Variants in DPP6 observed in about 807,000 individuals in gnomAD.
DPP6 encodes dipeptidyl peptidase like 6.
DPP6 carries 69 observed loss-of-function variants against 122.6 expected under a neutral mutation model. The ratio of observed to expected loss-of-function variants is 0.56; its 90% CI spans 0.46 to 0.69. DPP6 has a LOEUF of 0.69. Ranked by LOEUF, DPP6 falls within the 30% of genes least tolerant of loss-of-function variation. The probability of loss-of-function intolerance (pLI) is 0.00; values close to 1 mark genes in which losing one functional copy is unlikely to be tolerated. For missense variants in DPP6, 928 were observed against 1,116.9 expected (o/e 0.83, Z 2.41); for synonymous variants, 418 against 433.1 (o/e 0.97, Z 0.43).
chr7:153,800,528 CT>C, the DPP6 span, among the ~76,000 whole-genome samples: 3 of 151,922 alleles, frequency 2.0e-5, no homozygotes, highest in Admixed American at 6.6e-5. Flanking sequence ...GTTAACGAAA[CT>C]TTTTTTTAAT....
chr7:154,133,329 TG>T (rs1025050835), intron 1 of DPP6, among the ~76,000 whole-genome samples: 1 of 152,126 alleles, frequency 6.6e-6, no homozygotes, highest in African/African-American at 2.4e-5. Context: ...TGTGCCTTCC[TG>T]GGGATTAGTC....
chr7:153,896,465 C>G (rs1403772702), intron 1 of DPP6, among the ~76,000 whole-genome samples: 1 of 151,888 alleles, frequency 6.6e-6, no homozygotes, highest in Admixed American at 6.6e-5. Flanking sequence ...TGATTGTGGA[C>G]TACATTTTCT....
intron 1 of DPP6, among the ~76,000 whole-genome samples, chr7:154,234,259 A>C (rs1403026438): frequency 6.6e-6 from 1 of 152,202 alleles, no homozygotes; most frequent in South Asian, 2.1e-4. Context: ...CACTGGTTGT[A>C]TAAGAGAATC....
At chr7:154,541,247 C>T (rs1369157288) in intron 4 of DPP6, among the ~76,000 whole-genome samples, 1 of 152,158 alleles carries the variant, frequency 6.6e-6, no homozygotes, top group Non-Finnish European at 1.5e-5. Context: ...CCTCCCACCT[C>T]AGCCTCCTGA....
At position 154,535,410 on chromosome 7, in the gene DPP6, T is replaced by C. The variant is rs189023414; in HGVS notation, c.458-5122T>C. Among the ~76,000 whole-genome samples the C allele has an allele frequency of 2.5e-3, 375 of 152,010 alleles. 2 individuals are homozygous for C. The highest frequency in any genetic ancestry group is 3.9e-3 in the Non-Finnish European group (264 of 67,966). On this transcript the variant is annotated intron_variant, in intron 3 of 25. Transcript: ENST00000377770. ...GATTTTTTTTTTTTATTATTATACTTTAAGTTCTGGGGTACATGTGCAGAA... is the reference window on the plus strand; with the variant it reads ...GATTTTTTTTTTTTATTATTATACTCTAAGTTCTGGGGTACATGTGCAGAA...
intron 1 of DPP6, among the ~76,000 whole-genome samples, chr7:154,005,916 A>G (rs1797895464): frequency 6.6e-6 from 1 of 152,134 alleles, no homozygotes; most frequent in African/African-American, 2.4e-5. Flanking sequence ...CCACTCAGCC[A>G]GCACTACCTA....
At chr7:153,796,753 A>C in the DPP6 span, among the ~76,000 whole-genome samples, 1 of 152,122 alleles carries the variant, frequency 6.6e-6, no homozygotes, top group Non-Finnish European at 1.5e-5. Context: ...AGCCACAGTA[A>C]AATCTCTGGT....
intron 1 of DPP6, among the ~76,000 whole-genome samples, chr7:154,036,034 G>GCA (rs1563120696): frequency 2.1e-5 from 3 of 140,254 alleles, no homozygotes; most frequent in African/African-American, 7.8e-5. Context: ...GTGTGTGTGT[G>GCA]TGTGTGTGTG....
intron 1 of DPP6, among the ~76,000 whole-genome samples, chr7:154,055,287 G>GA (rs901707152): frequency 1.5e-5 from 2 of 133,082 alleles, no homozygotes; most frequent in Non-Finnish European, 3.2e-5. Context: ...GACACAGGCT[G>GA]AATGTTGCAT....
intron 3 of DPP6, among the ~76,000 whole-genome samples, chr7:154,509,800 CTGAT>C: frequency 6.6e-6 from 1 of 152,142 alleles, no homozygotes; most frequent in Non-Finnish European, 1.5e-5. Context: ...ATGCTACGTA[CTGAT>C]TAAGTTTGAA....
chr7:154,358,159 G>C (rs1463302336), intron 1 of DPP6, among the ~76,000 whole-genome samples: 3 of 152,106 alleles, frequency 2.0e-5, no homozygotes, highest in African/African-American at 4.8e-5. Flanking sequence ...ACAACAAACA[G>C]TAAATGTTTG....
At chr7:154,440,911 C>T (rs970025206) in intron 1 of DPP6, among the ~76,000 whole-genome samples, 3 of 152,194 alleles carry the variant, frequency 2.0e-5, no homozygotes, top group Non-Finnish European at 2.9e-5. Flanking sequence ...CAGTCTTCTC[C>T]TGCAGGGGTG....
chr7:154,499,272 A>T (rs1333423366), intron 3 of DPP6, among the ~76,000 whole-genome samples: 2 of 152,202 alleles, frequency 1.3e-5, no homozygotes, highest in Non-Finnish European at 2.9e-5. Flanking sequence ...TTTCATGGAT[A>T]CAAAAGGAGG....
chr7:154,216,315 G>A (rs1799991910), intron 1 of DPP6, among the ~76,000 whole-genome samples: 1 of 152,168 alleles, frequency 6.6e-6, no homozygotes, highest in Non-Finnish European at 1.5e-5. Context: ...TCTTACCATA[G>A]GGCTCCTACT....
chr7:154,392,204 C>T (rs1001166397), intron 1 of DPP6, among the ~76,000 whole-genome samples: 7 of 152,014 alleles, frequency 4.6e-5, no homozygotes, highest in Middle Eastern at 3.4e-3. Context: ...ACCTGGGAGG[C>T]GGAGGTTGCA....
In DPP6 at chr7:154,052,961, G is replaced by T. The variant is rs1254774979; in HGVS notation, c.141G>T (p.Arg47=). The T allele has an allele frequency of 1.5e-4, 165 of 1,124,314 alleles. No individual in the cohort carries two copies. Among genetic ancestry groups the T allele is most frequent in the Non-Finnish European group, 1.8e-4 (163 of 917,198 alleles). The allele number at this position is 1,124,314 out of a possible 1,614,324, so 69.6% of individuals were successfully genotyped here. A position where few individuals can be genotyped will look rare whatever the true frequency, so the allele number is the denominator to read the frequency against. The part of the protein sequence containing the change: ...GGAGAKPLGP[R]AQAAAPRERG... ...CAGGAGCCAAGCCCCTCGGCCCGCG[G>T]GCGCAGGCGGCGGCGCCCCGGGAGC... Residue 47 remains arginine (R), a synonymous_variant, in exon 1 of 26, where the codon CGG becomes CGT. Coordinates refer to ENST00000377770, the MANE Select transcript of DPP6 (RefSeq NM_130797.4). The surrounding 1 kb of genome is among the most constrained non-coding windows in gnomAD (Gnocchi z 4.8).
At chr7:153,932,415 G>C (rs949168368) in intron 1 of DPP6, among the ~76,000 whole-genome samples, 12 of 152,092 alleles carry the variant, frequency 7.9e-5, no homozygotes, top group Admixed American at 6.5e-4. Context: ...AGGCCACTGT[G>C]CCCAGCCTAT....
chr7:154,292,221 C>T (rs758779972), intron 1 of DPP6, among the ~76,000 whole-genome samples: 1 of 152,164 alleles, frequency 6.6e-6, no homozygotes, highest in African/African-American at 2.4e-5. Context: ...AAAAACCTAA[C>T]TGCGATTAGG....
chr7:153,995,946 A>G (rs1245698662), intron 1 of DPP6, among the ~76,000 whole-genome samples: 5 of 152,212 alleles, frequency 3.3e-5, no homozygotes, highest in Non-Finnish European at 7.3e-5. Flanking sequence ...ATGTTATACT[A>G]TAAGGAAGCG....
Sources: gnomAD v4.1 joint callset for allele counts (sites outside exome capture counted in the v4.1 genomes callset) on GRCh38, gnomAD v4.1.1 for gene constraint, Gnocchi (gnomAD v3.1) non-coding constraint, MANE v1.5 for transcripts, NCBI Gene and HGNC (gene_info 2026-07-23, HGNC 2026-07-21) for gene names.